The following DCC variants were observed in gnomAD, a reference collection of about 807,000 sequenced individuals.
The protein encoded by DCC is DCC netrin 1 receptor, also known as netrin receptor DCC.
A neutral mutation model predicts 172.5 loss-of-function variants in DCC; 58 were observed. That is an observed-to-expected ratio of 0.34 (90% CI 0.27 to 0.42). The LOEUF (loss-of-function observed/expected upper bound fraction) is 0.42. Among genes scored for constraint, DCC ranks in the 10% least tolerant of loss-of-function variants. The probability of loss-of-function intolerance (pLI) is 1.00; values close to 1 mark genes in which losing one functional copy is unlikely to be tolerated. For synonymous variants in DCC, 709 were observed against 644.5 expected (o/e 1.10, Z -1.52); for missense variants, 1,740 against 1,791.0 (o/e 0.97, Z 0.51).
At chr18:52,933,866 G>A (rs1449367622) in intron 5 of DCC, among the ~76,000 whole-genome samples, 6 of 151,904 alleles carry the variant, frequency 3.9e-5, no homozygotes, top group Non-Finnish European at 7.4e-5. Flanking sequence ...TTTCTTATTC[G>A]TTTGTAAAAC....
chr18:53,139,890 A>G (rs756072346), intron 7 of DCC, among the ~76,000 whole-genome samples: 13 of 152,300 alleles, frequency 8.5e-5, no homozygotes, highest in Non-Finnish European at 1.5e-5. Context: ...TCTGTTTACC[A>G]TATTGAGTCA....
intron 2 of DCC, among the ~76,000 whole-genome samples, chr18:52,768,428 T>C (rs1034487283): frequency 6.6e-6 from 1 of 152,192 alleles, no homozygotes; most frequent in Non-Finnish European, 1.5e-5. Flanking sequence ...TCAGGGCTGC[T>C]GATTTTCATT....
chr18:52,598,061 T>G (rs1598943937), intron 1 of DCC, among the ~76,000 whole-genome samples: 1 of 152,126 alleles, frequency 6.6e-6, no homozygotes, highest in Non-Finnish European at 1.5e-5. Context: ...CACTTTGGAG[T>G]CAGTAAAAAT....
chr18:52,530,336 A>G (rs1333867520), intron 1 of DCC, among the ~76,000 whole-genome samples: 1 of 152,216 alleles, frequency 6.6e-6, no homozygotes, highest in Admixed American at 6.5e-5. Context: ...CAAGTTCATT[A>G]CAAGAAAAAC....
intron 2 of DCC, among the ~76,000 whole-genome samples, chr18:52,818,616 C>T (rs980609129): frequency 6.6e-6 from 1 of 151,906 alleles, no homozygotes; most frequent in African/African-American, 2.4e-5. Flanking sequence ...AATAAGGAAC[C>T]CAAAACAGGT....
At chr18:52,821,668 A>G (rs2038409092) in intron 2 of DCC, among the ~76,000 whole-genome samples, 1 of 152,132 alleles carries the variant, frequency 6.6e-6, no homozygotes, top group Non-Finnish European at 1.5e-5. Context: ...AACTTCTCAA[A>G]CTTTTAACCT....
intron 1 of DCC, among the ~76,000 whole-genome samples, chr18:52,709,036 T>G (rs1202035692): frequency 1.3e-5 from 2 of 152,154 alleles, no homozygotes; most frequent in Non-Finnish European, 2.9e-5. Flanking sequence ...CAATCTTTTC[T>G]CTTCTTTTTC....
At chr18:52,906,657 A>G (rs527593461) in intron 3 of DCC, among the ~76,000 whole-genome samples, 8 of 152,174 alleles carry the variant, frequency 5.3e-5, no homozygotes, top group African/African-American at 1.9e-4. Flanking sequence ...TTTTCCTCTG[A>G]TAACAGTCTA....
chr18:53,140,875 TGTA>T (rs1172483627), intron 7 of DCC, among the ~76,000 whole-genome samples: 2 of 152,150 alleles, frequency 1.3e-5, no homozygotes, highest in Non-Finnish European at 2.9e-5. Context: ...TTCAATAAAT[TGTA>T]GTATCCTTCA....
intron 12 of DCC, among the ~76,000 whole-genome samples, chr18:53,286,324 G>T (rs934648481): frequency 8.5e-5 from 13 of 152,084 alleles, no homozygotes; most frequent in Non-Finnish European, 1.3e-4. Context: ...GGTCTTTCCT[G>T]TGCTGTACTC....
At chr18:52,870,958 A>C (rs2145382525) in intron 2 of DCC, among the ~76,000 whole-genome samples, 1 of 152,254 alleles carries the variant, frequency 6.6e-6, no homozygotes, top group South Asian at 2.1e-4. Flanking sequence ...AGGCAGGAAG[A>C]AACTTTTGGG....
At chr18:52,992,984 TAAA>T (rs5824983) in intron 5 of DCC, among the ~76,000 whole-genome samples, 3 of 131,144 alleles carry the variant, frequency 2.3e-5, no homozygotes, top group African/African-American at 5.7e-5. Flanking sequence ...GTCTCAAATT[TAAA>T]AAAAAAAAAA....
chr18:52,499,491 C>T (rs547150064), intron 1 of DCC, among the ~76,000 whole-genome samples: 2 of 152,152 alleles, frequency 1.3e-5, no homozygotes, highest in Non-Finnish European at 2.9e-5. Flanking sequence ...TTTTTGGATG[C>T]AATAAGACCA....
intron 1 of DCC, among the ~76,000 whole-genome samples, chr18:52,365,910 T>G (rs1984826974): frequency 6.6e-6 from 1 of 152,340 alleles, no homozygotes; most frequent in African/African-American, 2.4e-5. Context: ...TAGTCTGGAC[T>G]TAACCTGCAG....
intron 1 of DCC, among the ~76,000 whole-genome samples, chr18:52,558,761 A>G (rs973827476): frequency 1.3e-5 from 2 of 152,156 alleles, no homozygotes; most frequent in East Asian, 1.9e-4. Flanking sequence ...CAAAGAGTGC[A>G]TCTATAATTT....
At chr18:52,621,054 G>T (rs1368199815) in intron 1 of DCC, among the ~76,000 whole-genome samples, 1 of 152,224 alleles carries the variant, frequency 6.6e-6, no homozygotes, top group African/African-American at 2.4e-5. Context: ...AGGCTGCAGA[G>T]CCAACCTTCA....
At chr18:52,389,040 G>A (rs7231326) in intron 1 of DCC, among the ~76,000 whole-genome samples, 77,611 of 151,826 alleles carry the variant, frequency 0.51, 21,537 homozygotes, top group African/African-American at 0.74. Flanking sequence ...CAGTGTGTAT[G>A]GGGAAGAATA....
At chr18:52,920,525 C>CAA (rs202127596) in intron 3 of DCC, among the ~76,000 whole-genome samples, 4 of 149,634 alleles carry the variant, frequency 2.7e-5, no homozygotes, top group Admixed American at 2.0e-4. Context: ...GGCTAAAATA[C>CAA]AAAAAAAATA....
chr18:53,521,059 C>A (rs1057283892), intron 27 of DCC, among the ~76,000 whole-genome samples: 1 of 152,012 alleles, frequency 6.6e-6, no homozygotes, highest in Non-Finnish European at 1.5e-5. Flanking sequence ...GAAGGTCATT[C>A]GATGAGCTCC....
Sources: gnomAD v4.1 joint callset for allele counts (sites outside exome capture counted in the v4.1 genomes callset) on GRCh38, gnomAD v4.1.1 for gene constraint, MANE v1.5 for transcripts, NCBI Gene and HGNC (gene_info 2026-07-23, HGNC 2026-07-21) for gene names.